ANK2: variants seen among roughly 807,000 people sequenced by gnomAD.
ANK2 encodes ankyrin-2.
ANK2 carries 83 observed loss-of-function variants against 360.5 expected under a neutral mutation model. That is an observed-to-expected ratio of 0.23 (90% confidence interval 0.19 to 0.28). The LOEUF is 0.28. Ranked by LOEUF, ANK2 falls within the 10% of genes least tolerant of loss-of-function variation. ANK2 has a pLI of 1.00. For synonymous variants in ANK2, 1,740 were observed against 1,759.5 expected (o/e 0.99, Z 0.28); for missense variants, 4,201 against 4,795.7 (o/e 0.88, Z 3.66).
intron 1 of ANK2, among the ~76,000 whole-genome samples, chr4:112,825,608 A>C (rs1383788634): frequency 1.3e-5 from 2 of 152,378 alleles, no homozygotes. Context: ...TTCCTCATCC[A>C]TTGCTAAGTT....
chr4:112,800,030 A>C, the ANK2 span, among the ~76,000 whole-genome samples: 1 of 152,160 alleles, frequency 6.6e-6, no homozygotes, highest in Non-Finnish European at 1.5e-5. Context: ...TAATCTAGGA[A>C]GCAATATAAC....
At chr4:112,994,619 A>G (rs2047930379) in intron 2 of ANK2, among the ~76,000 whole-genome samples, 1 of 152,118 alleles carries the variant, frequency 6.6e-6, no homozygotes, top group Admixed American at 6.6e-5. Flanking sequence ...TTCAACTTCT[A>G]TTTTAGATTC....
chr4:113,282,558 G>A, intron 17 of ANK2, 117 bp from the exon 18 acceptor site: 1 of 1,037,206 alleles, frequency 9.6e-7, no homozygotes, highest in Non-Finnish European at 1.4e-6. Flanking sequence ...TGGATTAACT[G>A]TAAACTCACT....
At chr4:112,770,707 CTCTCAA>C in the ANK2 span, among the ~76,000 whole-genome samples, 1 of 101,568 alleles carries the variant, frequency 9.8e-6, no homozygotes, top group African/African-American at 5.3e-5. Context: ...CTCTCTCTCT[CTCTCAA>C]AAAAAAAAAA....
chr4:113,104,306 T>G (rs939577299), intron 1 of ANK2, among the ~76,000 whole-genome samples: 1 of 152,170 alleles, frequency 6.6e-6, no homozygotes, highest in African/African-American at 2.4e-5. Context: ...GAAAAGCAAT[T>G]AGTTTGTCTT....
At chr4:112,741,494 G>A in the ANK2 span, among the ~76,000 whole-genome samples, 1 of 152,164 alleles carries the variant, frequency 6.6e-6, no homozygotes, top group South Asian at 2.1e-4. Context: ...CCTCTTTAGC[G>A]ATAGGGTGGC....
intron 2 of ANK2, among the ~76,000 whole-genome samples, chr4:113,187,040 T>G (rs2098543117): frequency 6.6e-6 from 1 of 151,878 alleles, no homozygotes; most frequent in African/African-American, 2.4e-5. Context: ...ATAAGGACAC[T>G]TCCCCATTCC....
chr4:113,344,666 G>T (rs1481424922), intron 34 of ANK2, among the ~76,000 whole-genome samples: 3 of 151,880 alleles, frequency 2.0e-5, no homozygotes, highest in Admixed American at 6.6e-5. Context: ...AACAAAATGC[G>T]GTATACACAT....
At chr4:113,373,804 C>G (rs967907736) in intron 45 of ANK2, among the ~76,000 whole-genome samples, 2 of 152,218 alleles carry the variant, frequency 1.3e-5, no homozygotes, top group African/African-American at 4.8e-5. Flanking sequence ...TAGAAACGCA[C>G]TGTGGTGCTT....
intron 1 of ANK2, among the ~76,000 whole-genome samples, chr4:112,823,093 C>G (rs1368713627): frequency 6.6e-6 from 1 of 152,142 alleles, no homozygotes; most frequent in African/African-American, 2.4e-5. Context: ...GATAATTCAC[C>G]TGTGTTGATG....
chr4:113,326,786 G>A (rs1469841788), intron 26 of ANK2, among the ~76,000 whole-genome samples: 1 of 152,104 alleles, frequency 6.6e-6, no homozygotes. Context: ...AGGATTGCTT[G>A]AGCCTAGGAG....
At chr4:113,332,424 G>A (rs1003756132) in intron 28 of ANK2, among the ~76,000 whole-genome samples, 5 of 152,158 alleles carry the variant, frequency 3.3e-5, no homozygotes, top group African/African-American at 1.2e-4. Context: ...TTTTGAGAAC[G>A]AATGTGACCT....
intron 1 of ANK2, among the ~76,000 whole-genome samples, chr4:112,897,298 C>T (rs2082054058): frequency 6.6e-6 from 1 of 152,158 alleles, no homozygotes; most frequent in African/African-American, 2.4e-5. Flanking sequence ...CCAATATTCC[C>T]TTTCTTTGTT....
chr4:113,030,661 T>TA (rs1433142616), intron 2 of ANK2, among the ~76,000 whole-genome samples: 1 of 151,974 alleles, frequency 6.6e-6, no homozygotes, highest in East Asian at 1.9e-4. Flanking sequence ...TGCCATTGTT[T>TA]AAAAAAATCT....
chr4:113,180,660 A>C (rs866131461), intron 2 of ANK2, among the ~76,000 whole-genome samples: 1 of 152,166 alleles, frequency 6.6e-6, no homozygotes, highest in Admixed American at 6.5e-5. Context: ...TCTGGTTTAG[A>C]CTTCTCTTTA....
Position 113,198,980 on chromosome 4 carries a change from G to C in ANK2, c.286-31G>C, listed in dbSNP as rs368259478. 6.8e-5 allele frequency: 106 copies of C among 1,566,190 alleles called. 1 individual carries two copies. In the South Asian group the frequency reaches 7.6e-4, roughly 11 times the overall value. ...GATTTCTGCAAAATTCAGAAACCTTGAACATTTTCTATTTTGTTTCTCCAA... is the reference window on the plus strand; with the variant it reads ...GATTTCTGCAAAATTCAGAAACCTTCAACATTTTCTATTTTGTTTCTCCAA... On this transcript the variant is annotated intron_variant, in intron 3 of 45. Transcript: ENST00000357077.
At chr4:112,882,827 C>T (rs1324104563) in intron 1 of ANK2, among the ~76,000 whole-genome samples, 1 of 150,428 alleles carries the variant, frequency 6.6e-6, no homozygotes, top group African/African-American at 2.4e-5. Flanking sequence ...GGATAAATTC[C>T]AAAAAAAGAA....
chr4:112,849,642 T>C lies in ANK2; in HGVS notation c.-40+31378T>C, dbSNP rs559792833. On this transcript the variant is annotated intron_variant, in intron 1 of 30. Transcript: ENST00000503271. ...CTGTTCAGAATACTTAGTTTCCTCATTGCTGTCCAGAAATGTCTAAATGTC... is the reference window on the plus strand; with the variant it reads ...CTGTTCAGAATACTTAGTTTCCTCACTGCTGTCCAGAAATGTCTAAATGTC... 9.8e-5 allele frequency among the ~76,000 whole-genome samples: 15 copies of C among 152,340 alleles called. 1 individual carries two copies. Among genetic ancestry groups the C allele is most frequent in the African/African-American group, 3.6e-4 (15 of 41,574 alleles).
chr4:113,162,187 GA>G (rs2097561571), intron 1 of ANK2, among the ~76,000 whole-genome samples: 1 of 151,794 alleles, frequency 6.6e-6, no homozygotes, highest in Non-Finnish European at 1.5e-5. Flanking sequence ...TAAACTTTCA[GA>G]GTCAATTTCC....
Sources: allele counts gnomAD v4.1 joint callset (sites outside exome capture counted in the v4.1 genomes callset), GRCh38; gene constraint gnomAD v4.1.1; transcripts MANE v1.5; gene names NCBI Gene and HGNC (gene_info 2026-07-23, HGNC 2026-07-21).